The following ATG3 variants were observed in gnomAD, a reference collection of about 807,000 sequenced individuals.
The protein encoded by ATG3 is autophagy related 3.
In ATG3, 25 loss-of-function variants were observed where a neutral mutation model predicts 50.7. The ratio of observed to expected loss-of-function variants is 0.49; its 90% confidence interval spans 0.36 to 0.69. The LOEUF (loss-of-function observed/expected upper bound fraction) is 0.69, where lower values mean the gene tolerates loss of function less well. Ranked by LOEUF, ATG3 falls within the 30% of genes least tolerant of loss-of-function variation. ATG3 has a pLI of 0.00. For synonymous variants in ATG3, 119 were observed against 125.5 expected (o/e 0.95, Z 0.34); for missense variants, 281 against 376.0 (o/e 0.75, Z 2.09).
Position 112,536,690 on chromosome 3 carries a change from G to A in ATG3, c.667-88C>T, listed in dbSNP as rs934305562. 6 of 1,422,976 alleles carry A rather than the reference G, an allele frequency of 4.2e-6. No homozygotes were observed. In the African/African-American group the frequency reaches 7.1e-5, roughly 17 times the overall value. The allele number at this position is 1,422,976 out of a possible 1,614,324, so 88.1% of individuals were successfully genotyped here. A position where few individuals can be genotyped will look rare whatever the true frequency, so the allele number is the denominator to read the frequency against. On this transcript the variant is annotated intron_variant, in intron 9 of 11. Coordinates refer to ENST00000283290, the MANE Select transcript of ATG3 (RefSeq NM_022488.5). ...TAATCCCAGCACTGTGGGAGACTGA[G>A]GTGGGCGGATCACATGGTCAGGAGA...
chr3:112,554,537 A>G (rs533657646), intron 2 of ATG3, among the ~76,000 whole-genome samples: 1 of 152,168 alleles, frequency 6.6e-6, no homozygotes, highest in African/African-American at 2.4e-5. Flanking sequence ...CTCTTTTCGG[A>G]CTCAGCCCGC....
At chr3:112,549,798 C>CAAAAAA (rs71631400) in intron 4 of ATG3, among the ~76,000 whole-genome samples, 1 of 116,800 alleles carries the variant, frequency 8.6e-6, no homozygotes. Context: ...TCAAAACAAC[C>CAAAAAA]AAAAAAAAAA....
chr3:112,551,991 C>T (rs1182171557), intron 3 of ATG3, among the ~76,000 whole-genome samples: 2 of 151,984 alleles, frequency 1.3e-5, no homozygotes, highest in Non-Finnish European at 2.9e-5. Context: ...TTGAAAAAAG[C>T]AGTGACAACT....
At chr3:112,553,397 G>A (rs1933581055) in intron 2 of ATG3, 68 bp from the exon 3 acceptor site, 4 of 1,445,492 alleles carry the variant, frequency 2.8e-6, no homozygotes, top group East Asian at 2.3e-5. Flanking sequence ...GAATGTGCAA[G>A]GTGGCAAAAT....
intron 7 of ATG3, among the ~76,000 whole-genome samples, chr3:112,541,391 G>GA (rs1170262566): frequency 7.1e-4 from 97 of 136,994 alleles, no homozygotes; most frequent in Admixed American, 1.9e-3. Flanking sequence ...CTCAAAAAAA[G>GA]AAAAAAAAAA....
chr3:112,548,339 G>C (rs1933427491), intron 5 of ATG3, among the ~76,000 whole-genome samples, 194 bp downstream of exon 5: 1 of 151,578 alleles, frequency 6.6e-6, no homozygotes, highest in Non-Finnish European at 1.5e-5. Flanking sequence ...CAAGACTCTT[G>C]TCTCAAAAAA....
At chr3:112,533,426 AG>A (rs1308446114) in intron 11 of ATG3, 1 of 985,186 alleles carries the variant, frequency 1.0e-6, no homozygotes, top group African/African-American at 1.7e-5. Flanking sequence ...ATAGGACTTC[AG>A]GAGTAAATAT....
At chr3:112,548,699 T>C in intron 4 of ATG3, 59 bp from the exon 5 acceptor site, 2 of 1,426,262 alleles carry the variant, frequency 1.4e-6, no homozygotes, top group Admixed American at 1.7e-5. Context: ...CATAAATCCA[T>C]TAGAAAGAAG....
At position 112,561,542 on chromosome 3, in the gene ATG3, T is replaced by G. The variant is rs768569354; in HGVS notation, c.-14A>C. 6.3e-7 allele frequency: 1 copy of G among 1,596,682 alleles called. No individual in the cohort carries two copies. The highest frequency in any genetic ancestry group is 1.1e-5 in the South Asian group (1 of 90,184). ...CACATTCTGCATCCTGGGGCCGGAG[T>G]AGCGGCCGGCCCCGCGACGGGATGG... is the stretch of plus-strand genomic sequence containing the variant. On this transcript the variant is annotated 5_prime_UTR_variant, in exon 1 of 12. Coordinates refer to ENST00000283290, the MANE Select transcript of ATG3 (RefSeq NM_022488.5).
At chr3:112,545,928 T>C (rs1933356457) in intron 5 of ATG3, among the ~76,000 whole-genome samples, 1 of 152,172 alleles carries the variant, frequency 6.6e-6, no homozygotes, top group African/African-American at 2.4e-5. Context: ...ATAAAGCAGA[T>C]TACCCTCTAC....
Position 112,532,705 on chromosome 3 carries a change from T to G in ATG3, c.939A>C (p.Thr313=). 6.3e-7 allele frequency: 1 copy of G among 1,584,122 alleles called. No homozygotes were observed. Among genetic ancestry groups the G allele is most frequent in the Non-Finnish European group, 8.6e-7 (1 of 1,165,040 alleles). ...AGATTTTATGCTCTCTTCATTACAT[T>G]GTGAAGTGTCTTGTGTAGTCATATT... is the stretch of plus-strand genomic sequence containing the variant. ...TIEYDYTRHF[T]M is the part of the protein sequence containing the mutation. The change falls in exon 12 of 12, where the codon ACA becomes ACC. Residue 313 remains threonine (T), a synonymous_variant. Coordinates refer to ENST00000283290, the MANE Select transcript of ATG3 (RefSeq NM_022488.5).
chr3:112,545,847 G>A (rs777920458), intron 5 of ATG3, among the ~76,000 whole-genome samples: 15 of 152,070 alleles, frequency 9.9e-5, no homozygotes, highest in Non-Finnish European at 1.9e-4. Flanking sequence ...CCAGATGTTT[G>A]GTCAAACACC....
intron 7 of ATG3, chr3:112,538,432 A>C: frequency 2.5e-6 from 1 of 392,640 alleles, no homozygotes; most frequent in Non-Finnish European, 4.6e-6. Flanking sequence ...CAGTGTACAC[A>C]AGCCTACTTC....
intron 7 of ATG3, among the ~76,000 whole-genome samples, chr3:112,539,191 C>A (rs1478600616): frequency 1.3e-5 from 2 of 152,152 alleles, no homozygotes; most frequent in African/African-American, 4.8e-5. Context: ...CTCACCACTG[C>A]ACAGTGATTC....
chr3:112,541,719 A>C, intron 7 of ATG3, 84 bp downstream of exon 7: 1 of 1,216,082 alleles, frequency 8.2e-7, no homozygotes, highest in Non-Finnish European at 1.2e-6. Context: ...TTACAACTCA[A>C]TGAAGAATTC....
In ATG3 at chr3:112,552,893, G is replaced by A. The variant is rs1030949210; in HGVS notation, c.164+387C>T. On this transcript the variant is annotated intron_variant, in intron 3 of 11. Coordinates refer to ENST00000283290, the MANE Select transcript of ATG3 (RefSeq NM_022488.5). Reference sequence around the variant, plus strand: ...CATCTCCTGACCTCGTGATCTGCCCGCCTCAGCCTCCCAAAGTGCTGGGAT... The same window carrying A: ...CATCTCCTGACCTCGTGATCTGCCCACCTCAGCCTCCCAAAGTGCTGGGAT... Among the ~76,000 whole-genome samples the A allele has an allele frequency of 6.6e-5, 10 of 152,130 alleles. 2 individuals carry two copies. The highest frequency in any genetic ancestry group is 5.2e-4 in the Admixed American group (8 of 15,280).
chr3:112,532,950 G>A, intron 11 of ATG3, 170 bp from the exon 12 acceptor site: 1 of 1,284,212 alleles, frequency 7.8e-7, no homozygotes, highest in Non-Finnish European at 9.9e-7. Context: ...TATTTAACAT[G>A]AGGCTCTTTA....
At chr3:112,544,965 T>C (rs1933334473) in intron 5 of ATG3, among the ~76,000 whole-genome samples, 1 of 152,186 alleles carries the variant, frequency 6.6e-6, no homozygotes, top group African/African-American at 2.4e-5. Flanking sequence ...ATTTGGATTT[T>C]TGGATTAGGG....
At chr3:112,556,585 G>C (rs545237633) in intron 2 of ATG3, among the ~76,000 whole-genome samples, 57 of 152,336 alleles carry the variant, frequency 3.7e-4, no homozygotes, top group Admixed American at 1.7e-3. Context: ...GAATAGAAAG[G>C]GGGGAAAGGT....
Sources: gnomAD v4.1 joint callset for allele counts (sites outside exome capture counted in the v4.1 genomes callset) on GRCh38, gnomAD v4.1.1 for gene constraint, MANE v1.5 for transcripts, NCBI Gene and HGNC (gene_info 2026-07-23, HGNC 2026-07-21) for gene names.